Variants in DLGAP1 observed in about 807,000 individuals in gnomAD.
DLGAP1 encodes disks large-associated protein 1.
Under a neutral mutation model 90.8 loss-of-function variants are expected in DLGAP1, and 11 were observed. The ratio of observed to expected loss-of-function variants is 0.12; its 90% CI spans 0.08 to 0.20. The LOEUF (loss-of-function observed/expected upper bound fraction) is 0.20. Among genes scored for constraint, DLGAP1 ranks in the 10% least tolerant of loss-of-function variants. DLGAP1 has a pLI of 1.00. For missense variants in DLGAP1, 1,050 were observed against 1,333.8 expected, an observed-to-expected ratio of 0.79 and a Z score of 3.31; for synonymous variants, 558 against 540.7, an observed-to-expected ratio of 1.03 and a Z score of -0.44.
chr18:4,030,363 C>A (rs2074776052), intron 2 of DLGAP1, among the ~76,000 whole-genome samples: 1 of 152,158 alleles, frequency 6.6e-6, no homozygotes, highest in Non-Finnish European at 1.5e-5. Context: ...GGCAGATGCA[C>A]CTGGCAGCAG....
At chr18:4,409,538 A>G (rs1391273690) in intron 1 of DLGAP1, among the ~76,000 whole-genome samples, 1 of 152,188 alleles carries the variant, frequency 6.6e-6, no homozygotes, top group East Asian at 1.9e-4. Flanking sequence ...TCGATGAGAG[A>G]CAACGACTTT....
chr18:3,797,659 G>A (rs9949946), intron 5 of DLGAP1, among the ~76,000 whole-genome samples: 71,777 of 152,020 alleles, frequency 0.47, 17,446 homozygotes, highest in Admixed American at 0.59. Flanking sequence ...AAAGCGGGAG[G>A]GAGGGGTCAG....
chr18:4,148,737 C>T (rs777387719), intron 2 of DLGAP1, among the ~76,000 whole-genome samples: 5 of 152,106 alleles, frequency 3.3e-5, no homozygotes, highest in South Asian at 2.1e-4. Context: ...ATTTCCTTCA[C>T]GAGGAAATCT....
At chr18:4,094,018 T>A (rs952680345) in intron 2 of DLGAP1, among the ~76,000 whole-genome samples, 1 of 152,238 alleles carries the variant, frequency 6.6e-6, no homozygotes, top group East Asian at 1.9e-4. Flanking sequence ...CTTTTATAAT[T>A]TTCTTCATGT....
chr18:3,860,807 TGA>T (rs2070003096), intron 4 of DLGAP1, among the ~76,000 whole-genome samples: 1 of 152,210 alleles, frequency 6.6e-6, no homozygotes, highest in Non-Finnish European at 1.5e-5. Context: ...GCTGAACTAT[TGA>T]GAGATTAACA....
In DLGAP1 at chr18:4,250,800, A is replaced by G. The variant is rs78227541; in HGVS notation, c.-266-99513T>C. 5.0e-3 allele frequency among the ~76,000 whole-genome samples: 760 copies of G among 152,302 alleles called. 6 individuals are homozygous for G. Among genetic ancestry groups the G allele is most frequent in the African/African-American group, 0.018 (728 of 41,564 alleles). The stretch of plus-strand genomic sequence containing the variant: ...AACAAGATTTCAAAAATGTCATTCA[A>G]TTGCTTCAATGACTTATTCAAAAGC... On this transcript the variant is annotated intron_variant, in intron 1 of 12. Coordinates refer to ENST00000315677, the MANE Select transcript of DLGAP1 (RefSeq NM_004746.4).
chr18:4,424,835 C>T (rs1400354483), intron 1 of DLGAP1, among the ~76,000 whole-genome samples: 1 of 151,970 alleles, frequency 6.6e-6, no homozygotes, highest in South Asian at 2.1e-4. Context: ...AAATTTGCAC[C>T]TTATTCTTCA....
chr18:3,977,695 C>A, intron 3 of DLGAP1: 1 of 327,350 alleles, frequency 3.1e-6, no homozygotes, highest in Non-Finnish European at 5.9e-6. Context: ...GTTGCTGTAG[C>A]CAAATTCATT....
intron 7 of DLGAP1, among the ~76,000 whole-genome samples, chr18:3,599,252 C>T (rs896220196): frequency 1.3e-5 from 2 of 152,204 alleles, no homozygotes; most frequent in Non-Finnish European, 2.9e-5. Context: ...AGGCGCTTTA[C>T]CTATAGTCTC....
At chr18:3,825,089 T>C (rs1020099964) in intron 4 of DLGAP1, among the ~76,000 whole-genome samples, 5 of 152,174 alleles carry the variant, frequency 3.3e-5, no homozygotes, top group Non-Finnish European at 7.3e-5. Flanking sequence ...CCCACAAACA[T>C]GTGTACAGAT....
In DLGAP1 at chr18:3,669,752, C is replaced by A. The variant is rs2060019079; in HGVS notation, c.1591+59383G>T. On this transcript the variant is annotated intron_variant, in intron 7 of 12. Transcript: ENST00000315677. ...TAAAACTTTCCACTCATTATCCAAG[C>A]CCCCATGTGATCCAGTTCTTCCGGT... 2.0e-5 allele frequency among the ~76,000 whole-genome samples: 3 copies of A among 152,194 alleles called. No homozygotes were observed. In the South Asian group the frequency reaches 6.2e-4, roughly 32 times the overall value.
intron 10 of DLGAP1, 83 bp from the exon 11 acceptor site, chr18:3,508,744 G>T: frequency 8.6e-7 from 1 of 1,156,400 alleles, no homozygotes; most frequent in Non-Finnish European, 1.3e-6. Flanking sequence ...AGGAAGTTAT[G>T]CTGTAATAAT....
rs2081782473 is a variant in DLGAP1 at position 4,366,875 on chromosome 18, A to G, written c.-267+88131T>C. On this transcript the variant is annotated intron_variant, in intron 1 of 12. Transcript: ENST00000315677. ...ATTGTTTCTCATCTTTAAGCCATAA[A>G]TCAAATGAACACAATAATTACATAT... is the stretch of plus-strand genomic sequence containing the variant. Among the ~76,000 whole-genome samples, 3 of 151,994 alleles carry G rather than the reference A, an allele frequency of 2.0e-5. No individual in the cohort carries two copies. The South Asian group carries it at 6.2e-4, about 32-fold the overall frequency.
intron 3 of DLGAP1, among the ~76,000 whole-genome samples, chr18:3,949,595 T>C (rs1001856589): frequency 1.3e-5 from 2 of 152,232 alleles, no homozygotes; most frequent in Non-Finnish European, 2.9e-5. Context: ...CCCATTATTT[T>C]ACTATAGGAA....
intron 1 of DLGAP1, among the ~76,000 whole-genome samples, chr18:4,311,751 T>C (rs1044301603): frequency 6.6e-6 from 1 of 152,294 alleles, no homozygotes; most frequent in East Asian, 1.9e-4. Flanking sequence ...AATCTCGCTC[T>C]GTCGCCCAGG....
intron 9 of DLGAP1, among the ~76,000 whole-genome samples, chr18:3,564,691 G>A (rs144409811): frequency 6.6e-6 from 1 of 152,236 alleles, no homozygotes; most frequent in Non-Finnish European, 1.5e-5. Flanking sequence ...TCTCAGAGTT[G>A]TCAATATTGA....
At position 4,308,902 on chromosome 18, in the gene DLGAP1, C is replaced by A. The variant is rs1179750499; in HGVS notation, c.-267+146104G>T. ...AATGGTAAGACGTGTGAAATCCAAG[C>A]CCTTTAAAGATACAGAGGCCAGAAC... On this transcript the variant is annotated intron_variant, in intron 1 of 12. Coordinates refer to ENST00000315677, the MANE Select transcript of DLGAP1 (RefSeq NM_004746.4). Among the ~76,000 whole-genome samples the A allele has an allele frequency of 2.0e-5, 3 of 152,306 alleles. No individual in the cohort carries two copies. The East Asian group carries it at 5.8e-4, about 29-fold the overall frequency.
At chr18:3,732,844 A>T (rs1184060194) in intron 6 of DLGAP1, among the ~76,000 whole-genome samples, 1 of 152,134 alleles carries the variant, frequency 6.6e-6, no homozygotes, top group Non-Finnish European at 1.5e-5. Flanking sequence ...TGGTATTACA[A>T]GAACACAATC....
intron 1 of DLGAP1, among the ~76,000 whole-genome samples, chr18:4,400,087 C>T (rs1163572517): frequency 6.6e-6 from 1 of 152,110 alleles, no homozygotes; most frequent in Non-Finnish European, 1.5e-5. Context: ...CCCCACCCCC[C>T]GCCAGGCATC....
Sources: allele counts gnomAD v4.1 joint callset (sites outside exome capture counted in the v4.1 genomes callset), GRCh38; gene constraint gnomAD v4.1.1; transcripts MANE v1.5; gene names NCBI Gene and HGNC (gene_info 2026-07-23, HGNC 2026-07-21).